Variants in HPS4 observed in about 807,000 individuals in gnomAD.
The protein encoded by HPS4 is BLOC-3 complex member HPS4.
A neutral mutation model predicts 70.3 loss-of-function variants in HPS4; 44 were observed. The observed-to-expected ratio is 0.63, with a 90% CI of 0.49 to 0.80. The LOEUF is 0.80. Among genes scored for constraint, HPS4 ranks in the 30% least tolerant of loss-of-function variants. HPS4 has a pLI of 0.00. For missense variants in HPS4, 873 were observed against 884.4 expected (o/e 0.99, Z 0.16); for synonymous variants, 377 against 355.9 (o/e 1.06, Z -0.67).
At position 26,470,807 on chromosome 22, in the gene HPS4, G is replaced by A. The variant is rs139808091; in HGVS notation, c.508C>T (p.Pro170Ser). Residue 170 changes from proline to serine, a missense_variant, in exon 7 of 14, where the codon CCC (proline) becomes TCC (serine). By Grantham distance (74) the Pro-to-Ser change is moderately conservative. Coordinates refer to ENST00000398145, the MANE Select transcript of HPS4 (RefSeq NM_022081.6). ...CGGGCTGCCTTCAGCAACAACAGGG[G>A]CTCCACCTGTGCAGGGCAAGAGGCA... ...LWNLDQTKVE[P>S]LLLLKAARIL... 4.3e-6 allele frequency: 7 copies of A among 1,614,188 alleles called. No homozygotes were observed. Among genetic ancestry groups the A allele is most frequent in the Non-Finnish European group, 5.1e-6 (6 of 1,180,032 alleles).
chr22:26,474,380 GA>G (rs58084000), intron 4 of HPS4, among the ~76,000 whole-genome samples: 58,119 of 145,136 alleles, frequency 0.4, 11,504 homozygotes, highest in South Asian at 0.54. Context: ...TATCCAGGTG[GA>G]AAAAAAAAAA....
downstream of HPS4, among the ~76,000 whole-genome samples, chr22:26,450,441 G>A (rs144796100): frequency 1.4e-3 from 213 of 152,348 alleles, no homozygotes; most frequent in Middle Eastern, 6.8e-3. Flanking sequence ...AAGCCCCTGG[G>A]CTCCACTTGC....
At chr22:26,458,313 A>G in intron 12 of HPS4, 132 bp downstream of exon 12, 2 of 1,123,474 alleles carry the variant, frequency 1.8e-6, no homozygotes, top group Non-Finnish European at 1.3e-6. Flanking sequence ...CCCGGTGAGA[A>G]GAGAGCCCTG....
intron 3 of HPS4, among the ~76,000 whole-genome samples, chr22:26,477,991 G>T (rs1478492746): frequency 6.6e-6 from 1 of 152,068 alleles, no homozygotes; most frequent in Non-Finnish European, 1.5e-5. Flanking sequence ...TTAGGAAAAA[G>T]AAAAAGAAAT....
At position 26,472,433 on chromosome 22, in the gene HPS4, G is replaced by C. The variant is rs759060076; in HGVS notation, c.385-15C>G. On this transcript the variant is annotated splice_polypyrimidine_tract_variant and intron_variant, in intron 5 of 13. Transcript: ENST00000398145. ...TGAGAACAGTTCTAAAACAGAAAGA[G>C]CCTCAGGTCAATATCTGAGATTTTG... The C allele has an allele frequency of 6.8e-7, 1 of 1,473,370 alleles. No homozygotes were observed. Among genetic ancestry groups the C allele is most frequent in the East Asian group, 2.3e-5 (1 of 44,214 alleles). 91.3% of individuals were successfully genotyped at this position (1,473,370 alleles called of 1,614,324 possible).
chr22:26,467,318 G>A (rs190352187), intron 8 of HPS4: 1 of 152,326 alleles, frequency 6.6e-6, no homozygotes, highest in African/African-American at 2.4e-5. Flanking sequence ...CCACCTACTT[G>A]GTTCTGCTAT....
At chr22:26,470,872 G>A in intron 6 of HPS4, 59 bp from the exon 7 acceptor site, 2 of 1,605,484 alleles carry the variant, frequency 1.2e-6, no homozygotes, top group Non-Finnish European at 1.7e-6. Flanking sequence ...CAGGAAGGGA[G>A]AAAAGGGGAA....
chr22:26,458,440 C>G lies in HPS4; in HGVS notation c.1846+5G>C. On this transcript the variant is annotated splice_donor_5th_base_variant and intron_variant, in intron 12 of 13. Transcript: ENST00000398145. ...GTCGCCCCAGGCCCCTTGGCTGGTTCTTACCCATCAGCAAGCTCTGAATGC... is the reference window on the plus strand; with the variant it reads ...GTCGCCCCAGGCCCCTTGGCTGGTTGTTACCCATCAGCAAGCTCTGAATGC... 6.2e-7 allele frequency: 1 copy of G among 1,614,184 alleles called. No individual in the cohort carries two copies. Among genetic ancestry groups the G allele is most frequent in the Non-Finnish European group, 8.5e-7 (1 of 1,180,032 alleles).
chr22:26,444,254 G>A (rs1298006541), exon 4 of HPS4: 1 of 148,948 alleles, frequency 6.7e-6, no homozygotes, highest in South Asian at 2.1e-4. Context: ...TTATTTGTCT[G>A]TACATAAATG....
At position 26,479,352 on chromosome 22, in the gene HPS4, C is replaced by A; in HGVS notation, c.45G>T (p.Trp15Cys). Residue 15 changes from tryptophan (W) to cysteine (C), a missense_variant, in exon 3 of 14, where the codon TGG (tryptophan) becomes TGT (cysteine). Trp to Cys is a radical substitution (Grantham distance 215). Coordinates refer to ENST00000398145, the MANE Select transcript of HPS4 (RefSeq NM_022081.6). ...TSTEAKSASW[W>C]NYFFLYDGSK... is the part of the protein sequence containing the mutation. ...AACCATCATAAAGAAAAAAATAATT[C>A]CACCTGGCAAGAGAACAGAGTGGAG... 1 of 1,614,052 alleles carries A rather than the reference C, an allele frequency of 6.2e-7. No individual in the cohort carries two copies.
At chr22:26,476,925 CAG>C in intron 4 of HPS4, 66 bp downstream of exon 4, 7 of 1,556,532 alleles carry the variant, frequency 4.5e-6, no homozygotes, top group Non-Finnish European at 2.7e-6. Flanking sequence ...ATTCAAGACT[CAG>C]AAACAACATA....
chr22:26,477,032 T>C lies in HPS4; in HGVS notation c.237A>G (p.Lys79=), dbSNP rs767883055. 6.2e-7 allele frequency: 1 copy of C among 1,614,024 alleles called. No homozygotes were observed. Among genetic ancestry groups the C allele is most frequent in the African/African-American group, 1.3e-5 (1 of 74,890 alleles). ...CATCAACTTTTATGGCAAACTTCAG[T>C]TTTCTCAGACGAACAAGAGTAGGAG... is the stretch of plus-strand genomic sequence containing the variant. The part of the protein sequence containing the change: ...DSPPTLVRLR[K]LKFAIKVDGD... The change falls in exon 4 of 14, where the codon AAA becomes AAG. Residue 79 remains lysine, a synonymous_variant. Transcript: ENST00000398145.
chr22:26,466,333 T>C (rs2088616660), intron 8 of HPS4, 71 bp from the exon 9 acceptor site: 1 of 1,552,566 alleles, frequency 6.4e-7, no homozygotes, highest in Admixed American at 1.7e-5. Flanking sequence ...ATCAGGAATT[T>C]GCTGTGCCAT....
chr22:26,443,398 G>T (rs529051023), downstream of HPS4: 1 of 542,644 alleles, frequency 1.8e-6, no homozygotes. Context: ...TTTTCGGCTT[G>T]TATTTCCTTA....
intron 4 of HPS4, chr22:26,476,592 C>CTT (rs548797058): frequency 5.7e-4 from 98 of 170,810 alleles, no homozygotes; most frequent in South Asian, 1.8e-3. Context: ...AAGCAATATT[C>CTT]TTTTTTTTTT....
downstream of HPS4, among the ~76,000 whole-genome samples, chr22:26,448,084 C>T (rs887068783): frequency 6.6e-6 from 1 of 152,194 alleles, no homozygotes; most frequent in African/African-American, 2.4e-5. Context: ...AGCCGAGTAT[C>T]CAGGCTCGCA....
At chr22:26,471,440 C>T (rs971811699) in intron 6 of HPS4, 31 of 454,340 alleles carry the variant, frequency 6.8e-5, no homozygotes, top group Non-Finnish European at 4.4e-6. Flanking sequence ...CCAGCAATAA[C>T]CAGCAGCCTC....
rs770511759 is a variant in HPS4, at chr22:26,468,611, G to C, written c.609C>G (p.Thr203=). The C allele has an allele frequency of 3.7e-5, 60 of 1,613,924 alleles. No homozygotes were observed. The highest frequency in any genetic ancestry group is 5.0e-5 in the Admixed American group (3 of 59,986). ...TGGCGGTGAGGGAGGGCGGGAGTTG[G>C]GTGCTGACAATCCTAGGAGGTCACA... The part of the protein sequence containing the change: ...CILYKGLIVS[T]QLPPSLTAKV... The change falls in exon 8 of 14, where the codon ACC becomes ACG. Residue 203 remains threonine (T), a synonymous_variant. Transcript: ENST00000398145.
chr22:26,449,323 ATT>A (rs35895945), downstream of HPS4, among the ~76,000 whole-genome samples: 3,766 of 83,092 alleles, frequency 0.045, 72 homozygotes, highest in African/African-American at 0.13. Context: ...ACTCCCCTGC[ATT>A]TTTTTTTTTT....
Sources: gnomAD v4.1 joint callset for allele counts (sites outside exome capture counted in the v4.1 genomes callset) on GRCh38, gnomAD v4.1.1 for gene constraint, MANE v1.5 for transcripts, NCBI Gene and HGNC (gene_info 2026-07-23, HGNC 2026-07-21) for gene names.